Variants in PPARGC1A observed in about 807,000 individuals in gnomAD.
The protein encoded by PPARGC1A is PPARG coactivator 1 alpha, also known as peroxisome proliferator-activated receptor gamma coactivator 1-alpha.
A neutral mutation model predicts 88.7 loss-of-function variants in PPARGC1A; 25 were observed. The observed-to-expected ratio is 0.28, with a 90% CI of 0.21 to 0.39. The LOEUF is 0.39. Among genes scored for constraint, PPARGC1A ranks in the 10% least tolerant of loss-of-function variants. The pLI, the probability that PPARGC1A is intolerant of heterozygous loss-of-function variation, is 1.00. For missense variants in PPARGC1A, 880 were observed against 968.7 expected (o/e 0.91, Z 1.22); for synonymous variants, 363 against 355.6 (o/e 1.02, Z -0.24).
chr4:24,271,621 C>A, the PPARGC1A span, among the ~76,000 whole-genome samples: 2 of 152,182 alleles, frequency 1.3e-5, no homozygotes, highest in African/African-American at 4.8e-5. Flanking sequence ...TCGTGATCCA[C>A]CCACCTCAGC....
chr4:24,262,184 G>T, the PPARGC1A span, among the ~76,000 whole-genome samples: 2 of 152,094 alleles, frequency 1.3e-5, no homozygotes, highest in Non-Finnish European at 2.9e-5. Context: ...AGTGCTTCTG[G>T]GCCCGTGGTA....
At chr4:24,176,831 G>A in the PPARGC1A span, among the ~76,000 whole-genome samples, 1 of 152,188 alleles carries the variant, frequency 6.6e-6, no homozygotes, top group Non-Finnish European at 1.5e-5. Flanking sequence ...CAAACCACCA[G>A]CATGACACCA....
chr4:24,007,439 A>G, the PPARGC1A span, among the ~76,000 whole-genome samples: 1 of 152,182 alleles, frequency 6.6e-6, no homozygotes. Context: ...ATCAAACTAC[A>G]AATATAGTAA....
the PPARGC1A span, among the ~76,000 whole-genome samples, chr4:23,945,271 C>T: frequency 5.7e-3 from 869 of 152,140 alleles, 46 homozygotes; most frequent in East Asian, 0.093. Context: ...TTTATGCATA[C>T]ATTTTAGGTA....
the PPARGC1A span, among the ~76,000 whole-genome samples, chr4:23,977,005 G>A: frequency 6.6e-6 from 1 of 151,684 alleles, no homozygotes; most frequent in African/African-American, 2.4e-5. Flanking sequence ...AGAGGAGAAG[G>A]AAAAGAGAGA....
chr4:24,056,495 G>A, the PPARGC1A span, among the ~76,000 whole-genome samples: 4 of 152,102 alleles, frequency 2.6e-5, no homozygotes, highest in African/African-American at 9.7e-5. Flanking sequence ...AAGGCATGTG[G>A]CAATTTTAGC....
chr4:24,440,295 T>C, the PPARGC1A span, among the ~76,000 whole-genome samples: 1 of 152,146 alleles, frequency 6.6e-6, no homozygotes, highest in Non-Finnish European at 1.5e-5. Flanking sequence ...ACATAGTAGG[T>C]CCTCAGGAGA....
chr4:23,844,511 TATA>T (rs1207686487), intron 2 of PPARGC1A, among the ~76,000 whole-genome samples: 1 of 110,330 alleles, frequency 9.1e-6, no homozygotes, highest in Admixed American at 1.2e-4. Context: ...AATATAATAA[TATA>T]ATAATCACAT....
the PPARGC1A span, among the ~76,000 whole-genome samples, chr4:24,432,748 C>A: frequency 1.3e-5 from 2 of 152,120 alleles, no homozygotes; most frequent in Non-Finnish European, 2.9e-5. Context: ...ACTGTAATAT[C>A]TTTCTAGTCT....
chr4:24,102,908 T>C, the PPARGC1A span, among the ~76,000 whole-genome samples: 1 of 152,128 alleles, frequency 6.6e-6, no homozygotes, highest in South Asian at 2.1e-4. Context: ...ATCAGGAGTG[T>C]GAACAGATTT....
At chr4:23,909,564 T>C in the PPARGC1A span, among the ~76,000 whole-genome samples, 5 of 151,838 alleles carry the variant, frequency 3.3e-5, no homozygotes, top group Non-Finnish European at 7.4e-5. Flanking sequence ...CCTCTGGCTT[T>C]TGAGGGGTGC....
chr4:24,164,309 C>A, the PPARGC1A span, among the ~76,000 whole-genome samples: 2 of 123,018 alleles, frequency 1.6e-5, no homozygotes, highest in African/African-American at 3.3e-5. Context: ...AGCAGGGGAG[C>A]CTTTTCCTGG....
At chr4:24,217,062 G>A in the PPARGC1A span, among the ~76,000 whole-genome samples, 4 of 152,148 alleles carry the variant, frequency 2.6e-5, no homozygotes, top group South Asian at 2.1e-4. Context: ...CCGGAATGAC[G>A]GCAATGTGTG....
chr4:24,287,682 T>G, the PPARGC1A span, among the ~76,000 whole-genome samples: 1 of 146,190 alleles, frequency 6.8e-6, no homozygotes, highest in African/African-American at 2.6e-5. Flanking sequence ...ACTCATCTGG[T>G]GCACTTTCCA....
chr4:24,181,094 C>T, the PPARGC1A span, among the ~76,000 whole-genome samples: 1 of 152,146 alleles, frequency 6.6e-6, no homozygotes, highest in African/African-American at 2.4e-5. Context: ...ATGCCACAAA[C>T]AAGTAAATCT....
the PPARGC1A span, among the ~76,000 whole-genome samples, chr4:24,220,421 TCA>T: frequency 6.6e-6 from 1 of 152,118 alleles, no homozygotes; most frequent in Non-Finnish European, 1.5e-5. Context: ...ACACCTACAC[TCA>T]CATGTTTATT....
At chr4:23,901,912 G>A (rs1719435863), upstream of PPARGC1A, among the ~76,000 whole-genome samples, 1 of 152,004 alleles carries the variant, frequency 6.6e-6, no homozygotes, top group South Asian at 2.1e-4. Context: ...AATTTTCTGT[G>A]TAGTGAAATG....
chr4:24,341,908 T>G, the PPARGC1A span, among the ~76,000 whole-genome samples: 2 of 151,920 alleles, frequency 1.3e-5, no homozygotes. Flanking sequence ...GTAGCTGGAG[T>G]TCAGTGAACA....
At chr4:23,962,180 A>G in the PPARGC1A span, among the ~76,000 whole-genome samples, 1 of 152,018 alleles carries the variant, frequency 6.6e-6, no homozygotes, top group Non-Finnish European at 1.5e-5. Context: ...ATTTTTTTCT[A>G]GATATACTGC....
Sources: gnomAD v4.1 joint callset for allele counts (sites outside exome capture counted in the v4.1 genomes callset) on GRCh38, gnomAD v4.1.1 for gene constraint, MANE v1.5 for transcripts, NCBI Gene and HGNC (gene_info 2026-07-23, HGNC 2026-07-21) for gene names.